The following DIPK1A variants were observed in gnomAD, a reference collection of about 807,000 sequenced individuals.
DIPK1A encodes family with sequence similarity 69 member A.
In DIPK1A, 27 loss-of-function variants were observed where a neutral mutation model predicts 40.8. The observed-to-expected ratio is 0.66, with a 90% confidence interval of 0.49 to 0.91. The LOEUF is 0.91. Ranked by LOEUF, DIPK1A falls within the 40% of genes least tolerant of loss-of-function variation. The pLI is 0.00. For missense variants in DIPK1A, 412 were observed against 505.7 expected, an observed-to-expected ratio of 0.81 and a Z score of 1.78; for synonymous variants, 166 against 171.3, an observed-to-expected ratio of 0.97 and a Z score of 0.24.
intron 2 of DIPK1A, among the ~76,000 whole-genome samples, chr1:92,870,594 A>G (rs1647796101): frequency 6.6e-6 from 1 of 152,234 alleles, no homozygotes; most frequent in Non-Finnish European, 1.5e-5. Context: ...TCCACTGATA[A>G]CATACTGCAA....
At chr1:92,942,622 C>T (rs1416153490) in intron 1 of DIPK1A, among the ~76,000 whole-genome samples, 1 of 151,848 alleles carries the variant, frequency 6.6e-6, no homozygotes, top group East Asian at 1.9e-4. Context: ...CTAATTATCT[C>T]ACCTTATTTT....
intron 4 of DIPK1A, chr1:92,846,629 C>A (rs1557449485): frequency 2.6e-6 from 1 of 385,478 alleles, no homozygotes; most frequent in Non-Finnish European, 5.0e-6. Flanking sequence ...GATTTCTTTT[C>A]TTTTTCTTTT....
At chr1:92,948,690 T>C (rs1430963729) in intron 1 of DIPK1A, among the ~76,000 whole-genome samples, 1 of 145,998 alleles carries the variant, frequency 6.8e-6, no homozygotes, top group Non-Finnish European at 1.5e-5. Flanking sequence ...TGTATATGTA[T>C]ATATACACAT....
chr1:92,833,784 T>C lies in DIPK1A; in HGVS notation c.475-750A>G, dbSNP rs41286817. The C allele has an allele frequency of 6.9e-3, 5,370 of 782,330 alleles. 24 individuals carry two copies. The highest frequency in any genetic ancestry group is 9.2e-3 in the Non-Finnish European group (4,358 of 471,712). The allele number at this position is 782,330 out of a possible 1,614,324, so 48.5% of individuals were successfully genotyped here. On this transcript the variant is annotated intron_variant, in intron 4 of 4. Coordinates refer to the DIPK1A transcript ENST00000615519. ...CCTCCAAAAGCATCCAGTGAATAAT[T>C]TTTCCTTTTAGTAGGTCTAGAATTG...
intron 2 of DIPK1A, among the ~76,000 whole-genome samples, chr1:92,855,655 C>T (rs1250019104): frequency 6.6e-6 from 1 of 151,368 alleles, no homozygotes; most frequent in African/African-American, 2.4e-5. Flanking sequence ...CACGATCATG[C>T]CATTGTACTC....
intron 2 of DIPK1A, among the ~76,000 whole-genome samples, chr1:92,870,022 T>A (rs565388241): frequency 1.2e-4 from 18 of 151,626 alleles, no homozygotes; most frequent in African/African-American, 4.4e-4. Flanking sequence ...AAGGGCTGAT[T>A]AGACTTTAAA....
chr1:92,844,165 C>A lies in DIPK1A; in HGVS notation c.505G>T (p.Glu169Ter). 6.5e-7 allele frequency: 1 copy of A among 1,548,842 alleles called. No individual in the cohort carries two copies. Among genetic ancestry groups the A allele is most frequent in the Non-Finnish European group, 8.7e-7 (1 of 1,145,006 alleles). The change falls in exon 5 of 5, where the codon GAA (glutamate) becomes TAA (stop). Residue 169 changes from glutamate (E) to a stop codon, truncating the protein, a stop_gained. Transcript: ENST00000370310. LOFTEE classifies it high-confidence loss of function. ...ACCGTCAAGATGAGATTAACCAGTT[C>A]AGAGAGGTTTCCTTGGTCACCCAAT... ...AKLGDQGNLS[E>*]LVNLILTVAD... is the part of the protein sequence containing the mutation.
intron 1 of DIPK1A, among the ~76,000 whole-genome samples, chr1:92,906,691 CA>C (rs1649636600): frequency 6.6e-6 from 1 of 152,056 alleles, no homozygotes. Context: ...AAAAAAGGCA[CA>C]GTATGTGGGG....
At chr1:92,878,233 C>T (rs181647936) in intron 1 of DIPK1A, among the ~76,000 whole-genome samples, 23 of 152,176 alleles carry the variant, frequency 1.5e-4, no homozygotes, top group Non-Finnish European at 3.2e-4. Context: ...GAAAAAAAGG[C>T]AAGGGGAAAC....
At chr1:92,878,861 G>C (rs1411423562) in intron 1 of DIPK1A, among the ~76,000 whole-genome samples, 1 of 144,666 alleles carries the variant, frequency 6.9e-6, no homozygotes, top group East Asian at 2.1e-4. Flanking sequence ...ACAAAAATTA[G>C]CCGAGTGTGG....
At chr1:92,947,234 T>C (rs1651412606) in intron 1 of DIPK1A, among the ~76,000 whole-genome samples, 1 of 152,234 alleles carries the variant, frequency 6.6e-6, no homozygotes, top group South Asian at 2.1e-4. Flanking sequence ...CAGAAAATCA[T>C]CAGTTATTCT....
intron 2 of DIPK1A, among the ~76,000 whole-genome samples, chr1:92,871,507 G>A (rs912862316): frequency 3.9e-5 from 6 of 151,924 alleles, no homozygotes; most frequent in Non-Finnish European, 5.9e-5. Flanking sequence ...TGTTAGTTTG[G>A]AAATGGTACA....
chr1:92,870,194 T>C (rs1396435215), intron 2 of DIPK1A, among the ~76,000 whole-genome samples: 1 of 152,102 alleles, frequency 6.6e-6, no homozygotes, highest in Non-Finnish European at 1.5e-5. Context: ...TTCAACATCT[T>C]CATATATTTC....
chr1:92,953,980 A>C (rs1460302618), intron 1 of DIPK1A, among the ~76,000 whole-genome samples: 1 of 151,514 alleles, frequency 6.6e-6, no homozygotes. Context: ...AAGAAAGATA[A>C]CTATTTAATT....
At chr1:92,838,476 C>A (rs1478122382), downstream of DIPK1A, among the ~76,000 whole-genome samples, 1 of 152,238 alleles carries the variant, frequency 6.6e-6, no homozygotes, top group Non-Finnish European at 1.5e-5. Flanking sequence ...CAGAACTTTT[C>A]AGACTCCCAG....
chr1:92,877,094 C>T (rs1169139515), intron 1 of DIPK1A: 2 of 985,226 alleles, frequency 2.0e-6, no homozygotes, highest in South Asian at 4.7e-5. Flanking sequence ...AAATAAGTTA[C>T]TCTTTGCATA....
intron 1 of DIPK1A, chr1:92,932,952 A>C (rs2100875362): frequency 6.6e-6 from 1 of 152,340 alleles, no homozygotes; most frequent in Non-Finnish European, 1.5e-5. Flanking sequence ...ATGATGTGTC[A>C]GTGTAGGTTT....
chr1:92,839,022 G>C (rs1391849356), downstream of DIPK1A, among the ~76,000 whole-genome samples: 1 of 147,584 alleles, frequency 6.8e-6, no homozygotes, highest in Non-Finnish European at 1.5e-5. Context: ...GATATTCAGA[G>C]AGTTGCAGCT....
chr1:92,840,028 A>ATTTTTTTTTTTTT (rs1445390931), downstream of DIPK1A, among the ~76,000 whole-genome samples: 1 of 141,208 alleles, frequency 7.1e-6, no homozygotes, highest in Non-Finnish European at 1.5e-5. Context: ...TTTTTTTTTA[A>ATTTTTTTTTTTTT]TTTTTGGTAG....
Sources: allele counts gnomAD v4.1 joint callset (sites outside exome capture counted in the v4.1 genomes callset), GRCh38; gene constraint gnomAD v4.1.1; transcripts MANE v1.5; gene names NCBI Gene and HGNC (gene_info 2026-07-23, HGNC 2026-07-21).